The following ARHGEF10L variants were observed in gnomAD, a reference collection of about 807,000 sequenced individuals.
The protein encoded by ARHGEF10L is rho guanine nucleotide exchange factor 10-like protein.
ARHGEF10L carries 69 observed loss-of-function variants against 141.2 expected under a neutral mutation model. That is an observed-to-expected ratio of 0.49 (90% CI 0.40 to 0.60). ARHGEF10L has a LOEUF of 0.60. Among genes scored for constraint, ARHGEF10L ranks in the 20% least tolerant of loss-of-function variants. ARHGEF10L has a pLI of 0.00. For missense variants in ARHGEF10L, 1,482 were observed against 1,734.3 expected, an observed-to-expected ratio of 0.85 and a Z score of 2.58; for synonymous variants, 711 against 718.5, an observed-to-expected ratio of 0.99 and a Z score of 0.17.
At chr1:17,597,370 G>A (rs923810275) in intron 4 of ARHGEF10L, among the ~76,000 whole-genome samples, 4 of 152,150 alleles carry the variant, frequency 2.6e-5, no homozygotes, top group Admixed American at 6.5e-5. Context: ...CATGGACAGC[G>A]GCTGGGAGAG....
chr1:17,654,670 C>T lies in ARHGEF10L; in HGVS notation c.2429C>T (p.Pro810Leu). ...GALVHSPVNC[P>L]LLGFSAVSTS... is the part of the protein sequence containing the mutation. Reference sequence around the variant, plus strand: ...CTGGTCCACAGTCCTGTCAACTGTCCCCTGCTGGGTTTCTCAGCAGTCAGC... The same window carrying T: ...CTGGTCCACAGTCCTGTCAACTGTCTCCTGCTGGGTTTCTCAGCAGTCAGC... The change falls in exon 23 of 29, where the codon CCC (proline) becomes CTC (leucine). Residue 810 changes from proline (P) to leucine (L), a missense_variant. Physicochemically the swap from Pro to Leu is moderately conservative, Grantham distance 98 (BLOSUM62 -3). Around this residue, in one of 3 missense-constraint regions of ARHGEF10L, gnomAD observed 858 missense variants for 966.3 expected, o/e 0.89. Coordinates refer to ENST00000361221, the MANE Select transcript of ARHGEF10L (RefSeq NM_018125.4). This position sits in a 1 kb window ranked among gnomAD's most constrained non-coding sequence, Gnocchi z 4.3. The T allele has an allele frequency of 6.2e-7, 1 of 1,614,208 alleles. No individual in the cohort carries two copies. Among genetic ancestry groups the T allele is most frequent in the Non-Finnish European group, 8.5e-7 (1 of 1,180,042 alleles).
At chr1:17,519,408 G>A in the ARHGEF10L span, among the ~76,000 whole-genome samples, 2 of 151,472 alleles carry the variant, frequency 1.3e-5, no homozygotes, top group South Asian at 2.1e-4. Flanking sequence ...CCAGGAGTTC[G>A]AGGCCAGCCT....
rs543914815 is a variant in ARHGEF10L, at chr1:17,582,154, GC to G, written c.37+1523del. Among the ~76,000 whole-genome samples, 906 of 152,196 alleles carry G rather than the reference GC, an allele frequency of 6.0e-3. 8 individuals carry two copies. The highest frequency in any genetic ancestry group is 0.028 in the South Asian group (135 of 4,814). On this transcript the variant is annotated intron_variant, in intron 2 of 28. Transcript: ENST00000361221. ...CTGATTGCCGGGGGGAGGATAGAAG[GC>G]GGCCTTGGAGACAAGCACATCTCAC... is the stretch of plus-strand genomic sequence containing the variant.
intron 26 of ARHGEF10L, among the ~76,000 whole-genome samples, chr1:17,677,750 T>A (rs2063814538): frequency 6.6e-6 from 1 of 152,230 alleles, no homozygotes; most frequent in Non-Finnish European, 1.5e-5. Context: ...ACACCCACTT[T>A]AAAATGGAAG....
At chr1:17,519,689 G>A in the ARHGEF10L span, among the ~76,000 whole-genome samples, 7 of 152,028 alleles carry the variant, frequency 4.6e-5, no homozygotes, top group African/African-American at 1.7e-4. Context: ...ACAAAAATTA[G>A]CTGGGCATGG....
intron 23 of ARHGEF10L, among the ~76,000 whole-genome samples, chr1:17,655,648 CTGAG>C (rs1397660854): frequency 1.3e-5 from 2 of 152,366 alleles, no homozygotes; most frequent in Admixed American, 1.3e-4. Flanking sequence ...AGAAAGCTGA[CTGAG>C]TATTTAGTCC....
At chr1:17,655,479 C>CCA (rs1455295141) in intron 23 of ARHGEF10L, among the ~76,000 whole-genome samples, 1 of 116,252 alleles carries the variant, frequency 8.6e-6, no homozygotes, top group Non-Finnish European at 2.1e-5. Flanking sequence ...ATCCATCCAT[C>CCA]TATCCATCCA....
intron 21 of ARHGEF10L, among the ~76,000 whole-genome samples, chr1:17,646,400 G>A (rs529390729): frequency 9.2e-5 from 14 of 152,202 alleles, no homozygotes; most frequent in Non-Finnish European, 2.1e-4. Flanking sequence ...GGAAAATGAG[G>A]CTCTGAGAAA....
intron 1 of ARHGEF10L, among the ~76,000 whole-genome samples, chr1:17,546,861 C>T (rs999579299): frequency 3.3e-5 from 5 of 152,174 alleles, no homozygotes; most frequent in African/African-American, 1.2e-4. Flanking sequence ...TGCAGAGTGG[C>T]AGGCACCTTG....
At position 17,564,790 on chromosome 1, in the gene ARHGEF10L, A is replaced by C. The variant is rs146957512; in HGVS notation, c.-43-15763A>C. ...GGGCTTGGATTAGCACTGGGCCCTT[A>C]GCACGCAGTTAACACGTGTTCGGTG... On this transcript the variant is annotated intron_variant, in intron 1 of 28. Coordinates refer to ENST00000361221, the MANE Select transcript of ARHGEF10L (RefSeq NM_018125.4). Among the ~76,000 whole-genome samples, 3 of 152,220 alleles carry C rather than the reference A, an allele frequency of 2.0e-5. No homozygotes were observed. In the South Asian group the frequency reaches 6.2e-4, roughly 31 times the overall value.
At chr1:17,661,049 C>T (rs1571341411) in intron 25 of ARHGEF10L, among the ~76,000 whole-genome samples, 2 of 152,240 alleles carry the variant, frequency 1.3e-5, no homozygotes, top group South Asian at 4.1e-4. Flanking sequence ...CAGGATCCCA[C>T]CATGGGCCCT....
At chr1:17,632,228 C>T in intron 15 of ARHGEF10L, 93 bp from the exon 16 acceptor site, 1 of 1,523,568 alleles carries the variant, frequency 6.6e-7, no homozygotes, top group Non-Finnish European at 9.0e-7. Context: ...GCCTCAGTCT[C>T]CCTTTCTGCA....
At chr1:17,608,314 G>A (rs140573539) in intron 7 of ARHGEF10L, among the ~76,000 whole-genome samples, 26 of 152,266 alleles carry the variant, frequency 1.7e-4, no homozygotes, top group African/African-American at 5.8e-4. Flanking sequence ...TCTCAACGCC[G>A]CACTCCAGGT....
In ARHGEF10L at chr1:17,573,206, C is replaced by T. The variant is rs373941582; in HGVS notation, c.-43-7347C>T. ...CTAAAAAGGAGGTGAGGAAACCCAC[C>T]TCTCAGGCTGCCTGCAGCCTAAACA... On this transcript the variant is annotated intron_variant, in intron 1 of 28. Coordinates refer to ENST00000361221, the MANE Select transcript of ARHGEF10L (RefSeq NM_018125.4). This position sits in a 1 kb window ranked among gnomAD's most constrained non-coding sequence, Gnocchi z 4.8. 4.6e-5 allele frequency among the ~76,000 whole-genome samples: 7 copies of T among 152,188 alleles called. No homozygotes were observed. The East Asian group carries it at 1.4e-3, about 29-fold the overall frequency.
Position 17,643,716 on chromosome 1 carries a change from C to T in ARHGEF10L, c.2272+3414C>T, listed in dbSNP as rs192101003. Among the ~76,000 whole-genome samples, 11 of 152,234 alleles carry T rather than the reference C, an allele frequency of 7.2e-5. No individual in the cohort carries two copies. The South Asian group carries it at 1.9e-3, about 26-fold the overall frequency. ...GCCAGTGCCCCCTGCACAGGGCTCTCGTGAAAATGTGGGGAGATGGTGCAT... is the reference window on the plus strand; with the variant it reads ...GCCAGTGCCCCCTGCACAGGGCTCTTGTGAAAATGTGGGGAGATGGTGCAT... On this transcript the variant is annotated intron_variant, in intron 21 of 28. Transcript: ENST00000361221.
chr1:17,697,237 AAGG>A lies in ARHGEF10L; in HGVS notation c.3700_3702del (p.Glu1234del), dbSNP rs1276068766. ...GCCCTGCGCCCGCGACGCCCACCGC[AAGG>A]AGATTTGCTCTGTGGCCATCATCTC... On this transcript the variant is annotated inframe_deletion, in exon 29 of 29. Coordinates refer to ENST00000361221, the MANE Select transcript of ARHGEF10L (RefSeq NM_018125.4). This position sits in a 1 kb window ranked among gnomAD's most constrained non-coding sequence, Gnocchi z 4.8. 1.9e-6 allele frequency: 3 copies of A among 1,612,374 alleles called. No individual in the cohort carries two copies. The highest frequency in any genetic ancestry group is 1.3e-5 in the African/African-American group (1 of 74,918).
At chr1:17,567,137 G>T (rs969261610) in intron 1 of ARHGEF10L, among the ~76,000 whole-genome samples, 1 of 152,226 alleles carries the variant, frequency 6.6e-6, no homozygotes, top group African/African-American at 2.4e-5. Flanking sequence ...CTCAGTGTTG[G>T]CAGGCAGTGT....
chr1:17,518,260 G>T, the ARHGEF10L span, among the ~76,000 whole-genome samples: 1 of 152,248 alleles, frequency 6.6e-6, no homozygotes, highest in African/African-American at 2.4e-5. Context: ...TGAGCAGAAA[G>T]TGGGGCTGGG....
intron 26 of ARHGEF10L, among the ~76,000 whole-genome samples, chr1:17,667,258 T>C (rs1009829308): frequency 3.9e-5 from 6 of 152,160 alleles, no homozygotes; most frequent in Non-Finnish European, 7.4e-5. Context: ...GACCCAGCCC[T>C]TGGGGCAACC....
Sources: gnomAD v4.1 joint callset for allele counts (sites outside exome capture counted in the v4.1 genomes callset) on GRCh38, gnomAD v4.1.1 for gene constraint, gnomAD v4.1.1 regional missense constraint, Gnocchi (gnomAD v3.1) non-coding constraint, MANE v1.5 for transcripts, NCBI Gene and HGNC (gene_info 2026-07-23, HGNC 2026-07-21) for gene names.